The following KSR2 variants were observed in gnomAD, a reference collection of about 807,000 sequenced individuals.
KSR2 encodes the protein kinase suppressor of ras 2.
KSR2 carries 25 observed loss-of-function variants against 107.8 expected under a neutral mutation model. That is an observed-to-expected ratio of 0.23 (90% confidence interval 0.17 to 0.32). The LOEUF is 0.32. Among genes scored for constraint, KSR2 ranks in the 10% least tolerant of loss-of-function variants. The pLI, the probability that KSR2 is intolerant of heterozygous loss-of-function variation, is 1.00. For synonymous variants in KSR2, 480 were observed against 507.0 expected (o/e 0.95, Z 0.71); for missense variants, 887 against 1,268.9 (o/e 0.70, Z 4.57).
At chr12:117,840,139 C>T (rs1892407068) in intron 3 of KSR2, among the ~76,000 whole-genome samples, 1 of 150,200 alleles carries the variant, frequency 6.7e-6, no homozygotes, top group South Asian at 2.1e-4. Context: ...CCCTCTGTCA[C>T]CCAGGCCAGA....
At chr12:117,913,484 G>A (rs1310473847) in intron 1 of KSR2, among the ~76,000 whole-genome samples, 1 of 152,176 alleles carries the variant, frequency 6.6e-6, no homozygotes, top group African/African-American at 2.4e-5. Flanking sequence ...AGGGTCTTCT[G>A]TAGATGTCAT....
intron 14 of KSR2, among the ~76,000 whole-genome samples, chr12:117,491,546 TCA>T (rs1872744738): frequency 6.6e-6 from 1 of 152,224 alleles, no homozygotes. Flanking sequence ...ATTCATGTTG[TCA>T]CACACGATAG....
intron 5 of KSR2, among the ~76,000 whole-genome samples, chr12:117,607,090 C>CTCA (rs1330854983): frequency 6.6e-6 from 1 of 152,106 alleles, no homozygotes; most frequent in Non-Finnish European, 1.5e-5. Context: ...TGTCCACTGG[C>CTCA]TCATTGAGCT....
chr12:117,809,328 C>T (rs943109704), intron 3 of KSR2, among the ~76,000 whole-genome samples: 3 of 152,028 alleles, frequency 2.0e-5, no homozygotes, highest in Non-Finnish European at 4.4e-5. Flanking sequence ...ATGGGGGTTG[C>T]GCTGTCCTGT....
At position 117,761,239 on chromosome 12, in the gene KSR2, C is replaced by T. The variant is rs1386110457; in HGVS notation, c.758G>A (p.Arg253Gln). Reference protein sequence around the residue: ...SGHRSLPPSPRQRHAVRTPPR... With the variant: ...SGHRSLPPSPQQRHAVRTPPR... ...CGGGGTGCGGACCGCGTGCCGCTGCCGGGGCGATGGGGGCAGGGAACGGTG... is the reference window on the plus strand; with the variant it reads ...CGGGGTGCGGACCGCGTGCCGCTGCTGGGGCGATGGGGGCAGGGAACGGTG... Residue 253 changes from arginine to glutamine, a missense_variant, in exon 4 of 20, where the codon CGG (arginine) becomes CAG (glutamine). Coordinates refer to ENST00000339824, the MANE Select transcript of KSR2 (RefSeq NM_173598.6). The T allele has an allele frequency of 2.0e-6, 3 of 1,535,256 alleles. No individual in the cohort carries two copies. The highest frequency in any genetic ancestry group is 1.3e-5 in the South Asian group (1 of 78,326).
At chr12:117,953,578 G>T (rs370184617) in intron 1 of KSR2, among the ~76,000 whole-genome samples, 4 of 152,288 alleles carry the variant, frequency 2.6e-5, no homozygotes, top group East Asian at 1.9e-4. Context: ...ATCATATGAT[G>T]CTACTTACAT....
At chr12:117,699,087 G>T (rs1159266937) in intron 4 of KSR2, among the ~76,000 whole-genome samples, 1 of 152,120 alleles carries the variant, frequency 6.6e-6, no homozygotes. Flanking sequence ...ATCTTCATCT[G>T]ACATTTTGTC....
At chr12:117,478,333 C>T (rs1216249062) in intron 16 of KSR2, among the ~76,000 whole-genome samples, 1 of 152,160 alleles carries the variant, frequency 6.6e-6, no homozygotes, top group Non-Finnish European at 1.5e-5. Flanking sequence ...CAGAAATATC[C>T]TCTATATGGT....
chr12:117,641,291 T>C (rs1292715722), intron 5 of KSR2, among the ~76,000 whole-genome samples: 1 of 152,174 alleles, frequency 6.6e-6, no homozygotes, highest in African/African-American at 2.4e-5. Flanking sequence ...GAGACAGGGT[T>C]TCACTATGTT....
chr12:117,698,792 T>C (rs887561948), intron 4 of KSR2, among the ~76,000 whole-genome samples: 1 of 152,216 alleles, frequency 6.6e-6, no homozygotes, highest in African/African-American at 2.4e-5. Context: ...CCTTGTTTTC[T>C]CCTAGCACCA....
At chr12:117,879,491 A>C (rs1449017138) in intron 1 of KSR2, among the ~76,000 whole-genome samples, 2 of 152,266 alleles carry the variant, frequency 1.3e-5, no homozygotes, top group African/African-American at 2.4e-5. Context: ...CAACAATTAA[A>C]GAGTAGTTTT....
chr12:117,738,533 T>C (rs1332606309), intron 4 of KSR2, among the ~76,000 whole-genome samples: 1 of 152,118 alleles, frequency 6.6e-6, no homozygotes, highest in Non-Finnish European at 1.5e-5. Context: ...TTGGTGGATC[T>C]AAACATATAT....
rs1220804265 is a variant in KSR2, at chr12:117,614,180, A to G, written c.1172-31821T>C. On this transcript the variant is annotated intron_variant, in intron 5 of 19. Transcript: ENST00000339824. ...AAGGTGAAGAATAAGACATATTTTC[A>G]TATTATTTAAATAAATAGAACACTA... is the stretch of plus-strand genomic sequence containing the variant. 9.2e-5 allele frequency among the ~76,000 whole-genome samples: 14 copies of G among 152,340 alleles called. 1 individual carries two copies. The highest frequency in any genetic ancestry group is 6.5e-4 in the Admixed American group (10 of 15,306).
intron 3 of KSR2, among the ~76,000 whole-genome samples, chr12:117,854,905 G>A (rs2137222249): frequency 6.6e-6 from 1 of 152,150 alleles, no homozygotes; most frequent in Non-Finnish European, 1.5e-5. Flanking sequence ...AATATGTGTG[G>A]ATAATTCTAT....
At chr12:117,589,621 G>T (rs1016024013) in intron 5 of KSR2, among the ~76,000 whole-genome samples, 1 of 152,116 alleles carries the variant, frequency 6.6e-6, no homozygotes, top group African/African-American at 2.4e-5. Context: ...CTTTTCTTTG[G>T]AGTCACAGGC....
intron 1 of KSR2, among the ~76,000 whole-genome samples, chr12:117,957,608 TG>T (rs1896551080): frequency 6.6e-6 from 1 of 152,158 alleles, no homozygotes; most frequent in Non-Finnish European, 1.5e-5. Flanking sequence ...ACCCATTCTC[TG>T]GGGGTGGAAA....
chr12:117,619,663 T>TCCTCCCTACAA, intron 5 of KSR2, among the ~76,000 whole-genome samples: 1 of 151,160 alleles, frequency 6.6e-6, no homozygotes, highest in Middle Eastern at 3.2e-3. Context: ...TTAGTATTTT[T>TCCTCCCTACAA]AACATTAATT....
At position 117,761,195 on chromosome 12, in the gene KSR2, C is replaced by T. The variant is rs1022500773; in HGVS notation, c.802G>A (p.Val268Ile). The change falls in exon 4 of 20, where the codon GTC becomes ATC. Residue 268 changes from valine (V) to isoleucine (I), a missense_variant. Physicochemically the swap from Val to Ile is conservative, Grantham distance 29. Around this residue, in one of 8 missense-constraint regions of KSR2, gnomAD observed 399 missense variants for 479.5 expected, o/e 0.83. Transcript: ENST00000339824. ...GTGCCCGGCGGGGTCACGGTGGTGA[C>T]GATGTTGGGGGTGCGCGGCGGGGTG... ...VRTPPRTPNI[V>I]TTVTPPGTPP... 13 of 1,586,618 alleles carry T rather than the reference C, an allele frequency of 8.2e-6. No individual in the cohort carries two copies. The highest frequency in any genetic ancestry group is 1.7e-4 in the Middle Eastern group (1 of 5,910).
At chr12:117,631,971 G>C (rs570030210) in intron 5 of KSR2, among the ~76,000 whole-genome samples, 147 of 152,162 alleles carry the variant, frequency 9.7e-4, no homozygotes, top group South Asian at 2.5e-3. Context: ...GAGTAATACA[G>C]TACAAAAGAC....
Sources: gnomAD v4.1 joint callset for allele counts (sites outside exome capture counted in the v4.1 genomes callset) on GRCh38, gnomAD v4.1.1 for gene constraint, gnomAD v4.1.1 regional missense constraint, MANE v1.5 for transcripts, NCBI Gene and HGNC (gene_info 2026-07-23, HGNC 2026-07-21) for gene names.